The following SLCO1B3 variants were observed in gnomAD, a reference collection of about 807,000 sequenced individuals.
SLCO1B3 encodes the protein liver-specific organic anion transporter 2.
A neutral mutation model predicts 71.8 loss-of-function variants in SLCO1B3; 72 were observed. The ratio of observed to expected loss-of-function variants is 1.00; its 90% CI spans 0.83 to 1.22. The LOEUF (loss-of-function observed/expected upper bound fraction) is 1.22. Ranked by LOEUF, SLCO1B3 falls within the 50% of genes most tolerant of loss-of-function variation. The probability of loss-of-function intolerance (pLI) is 0.00; values close to 1 mark genes in which losing one functional copy is unlikely to be tolerated. For missense variants in SLCO1B3, 911 were observed against 819.7 expected, an observed-to-expected ratio of 1.11 and a Z score of -1.36; for synonymous variants, 298 against 278.4, an observed-to-expected ratio of 1.07 and a Z score of -0.70.
chr12:20,817,495 G>A (rs894176844), intron 3 of SLCO1B3, among the ~76,000 whole-genome samples: 1 of 152,164 alleles, frequency 6.6e-6, no homozygotes, highest in Non-Finnish European at 1.5e-5. Context: ...CACTGTAGGT[G>A]TGTGGATTTG....
intron 3 of SLCO1B3, among the ~76,000 whole-genome samples, chr12:20,833,546 T>A (rs958613952): frequency 7.7e-5 from 11 of 143,788 alleles, no homozygotes; most frequent in African/African-American, 2.5e-4. Context: ...ATATGTATAT[T>A]GTACACATAT....
chr12:20,827,697 G>A (rs1049040403), intron 3 of SLCO1B3, among the ~76,000 whole-genome samples: 3 of 151,896 alleles, frequency 2.0e-5, no homozygotes, highest in Admixed American at 6.6e-5. Flanking sequence ...GCAGCCTCCC[G>A]AGTAGCTGGG....
At position 20,916,188 on chromosome 12, in the gene SLCO1B3, G is replaced by A; in HGVS notation, c.2050G>A (p.Ala684Thr). 1 of 1,612,476 alleles carries A rather than the reference G, an allele frequency of 6.2e-7. No homozygotes were observed. The highest frequency in any genetic ancestry group is 1.1e-5 in the South Asian group (1 of 91,042). Residue 684 changes from alanine (A) to threonine (T), a missense_variant, in exon 16 of 16, where the codon GCT becomes ACT. Coordinates refer to ENST00000381545, the MANE Select transcript of SLCO1B3 (RefSeq NM_019844.4). The stretch of plus-strand genomic sequence containing the variant: ...TAATGGTGAACATTTTGTACCTTCT[G>A]CTGGAACAGATAGTAAAACATGTAA... ...LNNGEHFVPS[A>T]GTDSKTCNLD...
intron 3 of SLCO1B3, among the ~76,000 whole-genome samples, chr12:20,825,706 G>A (rs916096147): frequency 3.3e-5 from 5 of 151,072 alleles, no homozygotes; most frequent in Non-Finnish European, 5.9e-5. Context: ...AGCTAAGACA[G>A]GAGAATTGCT....
chr12:20,843,276 G>A (rs897289426), intron 3 of SLCO1B3, among the ~76,000 whole-genome samples: 10 of 151,856 alleles, frequency 6.6e-5, no homozygotes, highest in Non-Finnish European at 1.5e-4. Context: ...ATTATCAAGT[G>A]TTTTATTCAC....
At chr12:20,908,466 C>T (rs1230999812) in intron 15 of SLCO1B3, among the ~76,000 whole-genome samples, 1 of 152,166 alleles carries the variant, frequency 6.6e-6, no homozygotes. Context: ...TAAAATGATA[C>T]ATAACCACCA....
chr12:20,875,444 A>T lies in SLCO1B3; in HGVS notation c.937A>T (p.Asn313Tyr). 1 of 1,602,170 alleles carries T rather than the reference A, an allele frequency of 6.2e-7. No individual in the cohort carries two copies. The highest frequency in any genetic ancestry group is 8.5e-7 in the Non-Finnish European group (1 of 1,177,504). ...DDRNQTANLT[N>Y]QGKNVTKNVT... The stretch of plus-strand genomic sequence containing the variant: ...TAGAAATCAAACAGCTAATTTGACC[A>T]ACCAAGGAAAAAATGTTACCAAAAA... The change falls in exon 9 of 16, where the codon AAC becomes TAC. Residue 313 changes from asparagine (N) to tyrosine (Y), a missense_variant. By Grantham distance (143) the Asn-to-Tyr change is moderately radical (BLOSUM62 -2). Transcript: ENST00000381545.
chr12:20,877,864 T>C lies in SLCO1B3; in HGVS notation c.1063T>C (p.Ser355Pro). ...GTTACAAGTAAGCAGCTTTATTGGT[T>C]CTTTTACTTACGTCTTTAAATATAT... ...TLLQVSSFIG[S>P]FTYVFKYMEQ... Residue 355 changes from serine to proline, a missense_variant, in exon 10 of 16, where the codon TCT becomes CCT. By Grantham distance (74) the Ser-to-Pro change is moderately conservative (BLOSUM62 -1). Coordinates refer to ENST00000381545, the MANE Select transcript of SLCO1B3 (RefSeq NM_019844.4). The C allele has an allele frequency of 6.3e-7, 1 of 1,592,496 alleles. No homozygotes were observed. Among genetic ancestry groups the C allele is most frequent in the Non-Finnish European group, 8.5e-7 (1 of 1,170,592 alleles).
chr12:20,842,647 C>G (rs1229644018), intron 3 of SLCO1B3, among the ~76,000 whole-genome samples: 1 of 152,112 alleles, frequency 6.6e-6, no homozygotes, highest in Non-Finnish European at 1.5e-5. Flanking sequence ...CAATTTTGTC[C>G]ACTTACGTTT....
chr12:20,831,132 G>C (rs1027192586), intron 3 of SLCO1B3, among the ~76,000 whole-genome samples: 8 of 152,072 alleles, frequency 5.3e-5, no homozygotes, highest in Non-Finnish European at 1.0e-4. Context: ...GCCGAGGCTG[G>C]CAGATCACGA....
Position 20,811,687 on chromosome 12 carries a change from C to G in SLCO1B3, c.-181+923C>G, listed in dbSNP as rs1415590632. Among the ~76,000 whole-genome samples, 4 of 152,170 alleles carry G rather than the reference C, an allele frequency of 2.6e-5. No homozygotes were observed. In the East Asian group the frequency reaches 7.7e-4, roughly 29 times the overall value. Reference sequence around the variant, plus strand: ...TTCTGTTCAGGGAAGAGTTGCAATGCTGCATACAAATGCCTGTGGCTCTGT... The same window carrying G: ...TTCTGTTCAGGGAAGAGTTGCAATGGTGCATACAAATGCCTGTGGCTCTGT... On this transcript the variant is annotated intron_variant, in intron 1 of 15. Transcript: ENST00000381545.
chr12:20,885,478 A>G (rs1227926456), intron 13 of SLCO1B3, among the ~76,000 whole-genome samples: 1 of 150,974 alleles, frequency 6.6e-6, no homozygotes, highest in Non-Finnish European at 1.5e-5. Flanking sequence ...ATAAGCAAGT[A>G]AATATGTAAA....
chr12:20,880,930 G>C lies in SLCO1B3; in HGVS notation c.1407G>C (p.Gln469His). Residue 469 changes from glutamine to histidine, a missense_variant, in exon 12 of 16, where the codon CAG becomes CAC. Transcript: ENST00000381545. ...CAGAGTGCAATTGTGATGAAAGTCA[G>C]TGGGAACCAGTCTGTGGGAACAATG... ...CNSECNCDES[Q>H]WEPVCGNNGI... is the part of the protein sequence containing the mutation. 6.2e-7 allele frequency: 1 copy of C among 1,611,818 alleles called. No homozygotes were observed. Among genetic ancestry groups the C allele is most frequent in the South Asian group, 1.1e-5 (1 of 90,998 alleles).
intron 8 of SLCO1B3, among the ~76,000 whole-genome samples, chr12:20,872,240 T>C (rs1865489115): frequency 6.6e-6 from 1 of 151,622 alleles, no homozygotes; most frequent in African/African-American, 2.4e-5. Flanking sequence ...CTTCAGTCAG[T>C]TTATTATGAA....
chr12:20,867,649 A>G (rs1479666874), intron 8 of SLCO1B3, among the ~76,000 whole-genome samples: 1 of 152,226 alleles, frequency 6.6e-6, no homozygotes, highest in Admixed American at 6.5e-5. Flanking sequence ...ATTATTCAAG[A>G]CTGTTTTGAT....
At chr12:20,912,632 T>C (rs1866407998) in intron 15 of SLCO1B3, among the ~76,000 whole-genome samples, 1 of 151,730 alleles carries the variant, frequency 6.6e-6, no homozygotes, top group Non-Finnish European at 1.5e-5. Flanking sequence ...CAAGTGATTC[T>C]CCTACCTCAG....
Position 20,883,517 on chromosome 12 carries a change from A to C in SLCO1B3, c.1597A>C (p.Lys533Gln). The change falls in exon 13 of 16, where the codon AAA becomes CAA. Residue 533 changes from lysine to glutamine, a missense_variant. Lys to Gln is a moderately conservative substitution (Grantham distance 53). Coordinates refer to ENST00000381545, the MANE Select transcript of SLCO1B3 (RefSeq NM_019844.4). ...CCCAAGAGATAATACTTGTACAAGGAAATTTTTCATCTATGTTGCAATTCA... is the reference window on the plus strand; with the variant it reads ...CCCAAGAGATAATACTTGTACAAGGCAATTTTTCATCTATGTTGCAATTCA... ...ECPRDNTCTR[K>Q]FFIYVAIQVI... 1 of 1,605,444 alleles carries C rather than the reference A, an allele frequency of 6.2e-7. No individual in the cohort carries two copies. The highest frequency in any genetic ancestry group is 1.1e-5 in the South Asian group (1 of 89,502).
chr12:20,903,368 A>T (rs1375456135), intron 15 of SLCO1B3, among the ~76,000 whole-genome samples: 3 of 152,218 alleles, frequency 2.0e-5, no homozygotes, highest in Non-Finnish European at 2.9e-5. Flanking sequence ...TGTTACATTC[A>T]TATAGTGGAA....
intron 15 of SLCO1B3, among the ~76,000 whole-genome samples, chr12:20,910,061 G>A (rs1270745997): frequency 1.3e-5 from 2 of 152,098 alleles, no homozygotes; most frequent in Non-Finnish European, 2.9e-5. Context: ...ATCCTAGGTT[G>A]CTTACTCCTG....
Sources: gnomAD v4.1 joint callset for allele counts (sites outside exome capture counted in the v4.1 genomes callset) on GRCh38, gnomAD v4.1.1 for gene constraint, MANE v1.5 for transcripts, NCBI Gene and HGNC (gene_info 2026-07-23, HGNC 2026-07-21) for gene names.